TMEM63C: variants seen among roughly 807,000 people sequenced by gnomAD.
TMEM63C encodes transmembrane protein 63C, also known as osmosensitive cation channel TMEM63C.
A neutral mutation model predicts 99.2 loss-of-function variants in TMEM63C; 32 were observed. The observed-to-expected ratio is 0.32, with a 90% CI of 0.24 to 0.43. TMEM63C has a LOEUF of 0.43. Ranked by LOEUF, TMEM63C falls within the 20% of genes least tolerant of loss-of-function variation. The probability of loss-of-function intolerance (pLI) is 1.00; values close to 1 mark genes in which losing one functional copy is unlikely to be tolerated. For synonymous variants in TMEM63C, 376 were observed against 397.9 expected (o/e 0.94, Z 0.66); for missense variants, 826 against 1,053.0 (o/e 0.78, Z 2.98).
At chr14:77,254,141 G>A (rs968585080) in intron 23 of TMEM63C, among the ~76,000 whole-genome samples, 3 of 152,254 alleles carry the variant, frequency 2.0e-5, no homozygotes, top group Non-Finnish European at 4.4e-5. Flanking sequence ...GAAGTAGGGT[G>A]TGGGGCAAGA....
chr14:77,193,903 G>A (rs1262344768), intron 1 of TMEM63C, among the ~76,000 whole-genome samples: 3 of 152,122 alleles, frequency 2.0e-5, no homozygotes, highest in Non-Finnish European at 4.4e-5. Flanking sequence ...GAGAGATGGA[G>A]GTGGAAAGAT....
At chr14:77,229,233 G>A (rs539028306) in intron 6 of TMEM63C, among the ~76,000 whole-genome samples, 142 of 151,836 alleles carry the variant, frequency 9.4e-4, no homozygotes, top group African/African-American at 3.0e-3. Context: ...GTGAAACTCC[G>A]TCTCTACTAA....
Position 77,225,362 on chromosome 14 carries a change from C to T in TMEM63C, c.313-62C>T, listed in dbSNP as rs547169490. ...CAGATGACCTGGCCGCCTGGGTTCCCAGAGCTGGGCAGGGCAGGCCAGGAC... is the reference window on the plus strand; with the variant it reads ...CAGATGACCTGGCCGCCTGGGTTCCTAGAGCTGGGCAGGGCAGGCCAGGAC... On this transcript the variant is annotated intron_variant, in intron 5 of 23. Coordinates refer to ENST00000298351, the MANE Select transcript of TMEM63C (RefSeq NM_020431.4). The T allele has an allele frequency of 2.0e-4, 318 of 1,558,046 alleles. 2 individuals are homozygous for T. Among genetic ancestry groups the T allele is most frequent in the Non-Finnish European group, 2.9e-5 (33 of 1,149,178 alleles).
intron 1 of TMEM63C, among the ~76,000 whole-genome samples, chr14:77,186,415 T>C (rs562363091): frequency 6.6e-6 from 1 of 152,268 alleles, no homozygotes; most frequent in South Asian, 2.1e-4. Flanking sequence ...CCTTCAAAAA[T>C]GCTTCAGGCC....
intron 6 of TMEM63C, among the ~76,000 whole-genome samples, chr14:77,227,871 C>T (rs140671676): frequency 4.3e-4 from 65 of 152,174 alleles, no homozygotes; most frequent in Non-Finnish European, 7.9e-4. Context: ...TCCAGAGGTG[C>T]ATGGAAGGAG....
chr14:77,256,410 C>T, intron 23 of TMEM63C, 116 bp from the exon 24 acceptor site: 1 of 994,662 alleles, frequency 1.0e-6, no homozygotes. Flanking sequence ...AGAAGGCAGG[C>T]TCCAAGGTCT....
At chr14:77,206,916 T>C (rs1472579605) in intron 1 of TMEM63C, among the ~76,000 whole-genome samples, 1 of 152,198 alleles carries the variant, frequency 6.6e-6, no homozygotes, top group Non-Finnish European at 1.5e-5. Flanking sequence ...CCAGATCATT[T>C]CATTTAACAG....
rs543437164 is a variant in TMEM63C, at chr14:77,256,022, G to A, written c.2221-504G>A. 3.2e-3 allele frequency among the ~76,000 whole-genome samples: 487 copies of A among 152,264 alleles called. 1 individual carries two copies. The highest frequency in any genetic ancestry group is 5.6e-3 in the Admixed American group (86 of 15,298). ...ATCCTGTGTTTTTCTATCTGCTGCC[G>A]TCCCAGGCATGGGGACCATTCCTGG... On this transcript the variant is annotated intron_variant, in intron 23 of 23. Coordinates refer to ENST00000298351, the MANE Select transcript of TMEM63C (RefSeq NM_020431.4).
At chr14:77,205,454 A>G (rs1400928892) in intron 1 of TMEM63C, among the ~76,000 whole-genome samples, 1 of 152,154 alleles carries the variant, frequency 6.6e-6, no homozygotes, top group East Asian at 1.9e-4. Flanking sequence ...CTCTTTAGCA[A>G]CCCCTATCCA....
chr14:77,226,246 A>C (rs1888822481), intron 6 of TMEM63C, among the ~76,000 whole-genome samples: 2 of 150,468 alleles, frequency 1.3e-5, no homozygotes, highest in African/African-American at 4.9e-5. Context: ...CCTCCACCCC[A>C]CCCCTACCCA....
chr14:77,256,881 G>A lies in TMEM63C; in HGVS notation c.*155G>A, dbSNP rs538341700. ...CCACCACCCCAGCCATGGGCCATAC[G>A]GGGGTCCTGACCTGCTGCCCGGCTG... On this transcript the variant is annotated 3_prime_UTR_variant, in exon 24 of 24. Transcript: ENST00000298351. The A allele has an allele frequency of 3.3e-4, 240 of 716,994 alleles. 1 individual carries two copies. In the South Asian group the frequency reaches 3.8e-3, roughly 11 times the overall value. 44.4% of individuals were successfully genotyped at this position (716,994 alleles called of 1,614,324 possible).
chr14:77,231,706 A>G lies in TMEM63C; in HGVS notation c.469A>G (p.Ile157Val), dbSNP rs1300403452. 2 of 1,551,654 alleles carry G rather than the reference A, an allele frequency of 1.3e-6. No homozygotes were observed. The highest frequency in any genetic ancestry group is 1.7e-4 in the Middle Eastern group (1 of 5,992). Residue 157 changes from isoleucine to valine, a missense_variant, in exon 7 of 24, where the codon ATC becomes GTC. Ile to Val is a conservative substitution (Grantham distance 29). Coordinates refer to ENST00000298351, the MANE Select transcript of TMEM63C (RefSeq NM_020431.4). Reference protein sequence around the residue: ...CIPSLGIILPINYTGSVLDWS... With the variant: ...CIPSLGIILPVNYTGSVLDWS... ...CCCCTCCCTGGGCATCATTTTGCCC[A>G]TCAACTATACTGGATCTGTTCTGGG...
intron 16 of TMEM63C, among the ~76,000 whole-genome samples, chr14:77,245,005 A>G (rs913351864): frequency 2.0e-5 from 3 of 152,258 alleles, no homozygotes; most frequent in Admixed American, 6.5e-5. Flanking sequence ...TACCCTGGGC[A>G]GGTGGCAGTA....
chr14:77,236,516 T>TG (rs1889064500), intron 8 of TMEM63C, 108 bp from the exon 9 acceptor site: 7 of 752,462 alleles, frequency 9.3e-6, no homozygotes, highest in Middle Eastern at 3.7e-4. Flanking sequence ...TGTGATGGGC[T>TG]GGGGGGCCCC....
At chr14:77,244,161 C>A (rs1343736396) in intron 15 of TMEM63C, among the ~76,000 whole-genome samples, 188 bp from the exon 16 acceptor site, 1 of 152,156 alleles carries the variant, frequency 6.6e-6, no homozygotes, top group Non-Finnish European at 1.5e-5. Flanking sequence ...GGCCTAGCTG[C>A]TTGGGGACTC....
intron 1 of TMEM63C, among the ~76,000 whole-genome samples, chr14:77,184,959 C>T (rs1357129635): frequency 1.3e-5 from 2 of 152,174 alleles, no homozygotes; most frequent in Admixed American, 1.3e-4. Context: ...GTTTCTAGGG[C>T]AGGATATGTA....
chr14:77,192,341 G>A (rs1329068979), intron 1 of TMEM63C, among the ~76,000 whole-genome samples: 1 of 152,162 alleles, frequency 6.6e-6, no homozygotes, highest in Non-Finnish European at 1.5e-5. Flanking sequence ...GAAAGGGTAG[G>A]CAACTTATCC....
intron 13 of TMEM63C, 108 bp downstream of exon 13, chr14:77,240,716 A>C: frequency 7.2e-7 from 1 of 1,392,936 alleles, no homozygotes; most frequent in Non-Finnish European, 9.7e-7. Context: ...TGGGCCCTCC[A>C]TGCTCGTCAC....
chr14:77,188,242 ATCTCT>A (rs1321237802), intron 1 of TMEM63C, among the ~76,000 whole-genome samples: 1 of 152,166 alleles, frequency 6.6e-6, no homozygotes. Flanking sequence ...CTTTGAGTCT[ATCTCT>A]TCTGCTAGAA....
Sources: allele counts gnomAD v4.1 joint callset (sites outside exome capture counted in the v4.1 genomes callset), GRCh38; gene constraint gnomAD v4.1.1; transcripts MANE v1.5; gene names NCBI Gene and HGNC (gene_info 2026-07-23, HGNC 2026-07-21).